PCSK5: variants seen among roughly 807,000 people sequenced by gnomAD.
PCSK5 encodes proprotein convertase subtilisin/kexin type 5.
PCSK5 carries 129 observed loss-of-function variants against 233.2 expected under a neutral mutation model. The ratio of observed to expected loss-of-function variants is 0.55; its 90% CI spans 0.48 to 0.64. The LOEUF is 0.64. Ranked by LOEUF, PCSK5 falls within the 30% of genes least tolerant of loss-of-function variation. The pLI is 0.00. For synonymous variants in PCSK5, 825 were observed against 879.2 expected, an observed-to-expected ratio of 0.94 and a Z score of 1.09; for missense variants, 2,076 against 2,430.1, an observed-to-expected ratio of 0.85 and a Z score of 3.06.
In PCSK5 at chr9:76,122,005, A is replaced by G. The variant is rs1412799251; in HGVS notation, c.1209-12104A>G. Among the ~76,000 whole-genome samples, 2 of 87,370 alleles carry G rather than the reference A, an allele frequency of 2.3e-5. 1 individual carries two copies. The highest frequency in any genetic ancestry group is 7.3e-5 in the African/African-American group (2 of 27,420). The allele number at this position is 87,370 out of a possible 152,430, so 57.3% of individuals were successfully genotyped here. The stretch of plus-strand genomic sequence containing the variant: ...CGCCCGGCTAATTTTTTGTATTTTT[A>G]GTAGAGACGGGGTTTCACCGTTTTA... On this transcript the variant is annotated intron_variant, in intron 9 of 37. Transcript: ENST00000674117.
chr9:75,955,386 C>T (rs1048950403), intron 2 of PCSK5, among the ~76,000 whole-genome samples: 3 of 152,154 alleles, frequency 2.0e-5, no homozygotes. Flanking sequence ...CCCTTTAAAC[C>T]TCCTCTCACC....
intron 3 of PCSK5, among the ~76,000 whole-genome samples, chr9:76,020,462 C>T (rs1041220936): frequency 6.6e-6 from 1 of 152,194 alleles, no homozygotes; most frequent in Non-Finnish European, 1.5e-5. Flanking sequence ...AATGCCCTCT[C>T]ACCTTATTAC....
At chr9:75,986,356 C>A in intron 3 of PCSK5, 111 bp downstream of exon 3, 1 of 668,544 alleles carries the variant, frequency 1.5e-6, no homozygotes, top group South Asian at 1.8e-5. Context: ...GGGATTGTTT[C>A]CTATTTTAAT....
intron 20 of PCSK5, among the ~76,000 whole-genome samples, chr9:76,191,680 C>T (rs1056929720): frequency 6.6e-5 from 10 of 152,118 alleles, no homozygotes; most frequent in African/African-American, 1.4e-4. Flanking sequence ...GAGGTTTTCT[C>T]GCCAGGGCTG....
At chr9:76,242,576 G>A (rs1384955419) in intron 24 of PCSK5, among the ~76,000 whole-genome samples, 1 of 152,162 alleles carries the variant, frequency 6.6e-6, no homozygotes, top group Non-Finnish European at 1.5e-5. Context: ...AAGTACTGAA[G>A]TAAAAAACTA....
intron 20 of PCSK5, among the ~76,000 whole-genome samples, chr9:76,200,849 C>T (rs1046318699): frequency 1.3e-5 from 2 of 152,140 alleles, no homozygotes; most frequent in African/African-American, 4.8e-5. Flanking sequence ...TGGACTGTTT[C>T]CCTTCCTCCA....
rs78854546 is a variant in PCSK5, at chr9:75,920,448, A to G, written c.193-11931A>G. Among the ~76,000 whole-genome samples, 928 of 152,182 alleles carry G rather than the reference A, an allele frequency of 6.1e-3. 12 individuals are homozygous for G. The highest frequency in any genetic ancestry group is 0.021 in the African/African-American group (867 of 41,512). The stretch of plus-strand genomic sequence containing the variant: ...GAATCTATCACATACTTTTAATTTA[A>G]TGCTCACATCTTCTCTACTCCAAAT... On this transcript the variant is annotated intron_variant, in intron 1 of 37. Transcript: ENST00000674117.
At chr9:76,166,738 A>G (rs1485388516) in intron 12 of PCSK5, among the ~76,000 whole-genome samples, 1 of 152,238 alleles carries the variant, frequency 6.6e-6, no homozygotes, top group African/African-American at 2.4e-5. Context: ...GCCTCAACGA[A>G]TTAGAGCTTA....
intron 5 of PCSK5, among the ~76,000 whole-genome samples, chr9:76,028,427 G>A (rs1365199840): frequency 1.3e-5 from 2 of 152,148 alleles, no homozygotes; most frequent in African/African-American, 4.8e-5. Flanking sequence ...AGATAATTTG[G>A]TGGGTAGCGA....
intron 3 of PCSK5, among the ~76,000 whole-genome samples, chr9:76,007,239 A>G (rs1037711422): frequency 6.6e-5 from 10 of 152,122 alleles, no homozygotes; most frequent in Non-Finnish European, 1.2e-4. Context: ...GTATTTCCAT[A>G]TCTTCAGATT....
intron 6 of PCSK5, among the ~76,000 whole-genome samples, chr9:76,069,195 G>A (rs1256353640): frequency 1.3e-5 from 2 of 151,908 alleles, no homozygotes; most frequent in Non-Finnish European, 2.9e-5. Context: ...AAGAAAAGAG[G>A]CAAAGAAAAA....
At chr9:76,085,449 A>G (rs1430285823) in intron 7 of PCSK5, among the ~76,000 whole-genome samples, 1 of 152,256 alleles carries the variant, frequency 6.6e-6, no homozygotes, top group Non-Finnish European at 1.5e-5. Context: ...TTACAGAGCT[A>G]TCGTGAAGGC....
chr9:76,347,866 CTTAAT>C (rs139599808), intron 35 of PCSK5, among the ~76,000 whole-genome samples: 16,711 of 151,878 alleles, frequency 0.11, 974 homozygotes, highest in East Asian at 0.2. Flanking sequence ...GTTTTCTACT[CTTAAT>C]TTATTTTATT....
intron 30 of PCSK5, among the ~76,000 whole-genome samples, chr9:76,311,849 C>T (rs755423338): frequency 2.0e-5 from 3 of 152,164 alleles, no homozygotes; most frequent in Non-Finnish European, 2.9e-5. Flanking sequence ...GCCCACATTA[C>T]GTGTCTCAGC....
chr9:75,967,382 A>G (rs1825635669), intron 2 of PCSK5, among the ~76,000 whole-genome samples: 1 of 152,242 alleles, frequency 6.6e-6, no homozygotes, highest in South Asian at 2.1e-4. Flanking sequence ...TTTGCTTAGG[A>G]CAATGGTCTC....
At chr9:75,938,404 A>G (rs547358184) in intron 2 of PCSK5, among the ~76,000 whole-genome samples, 1 of 152,326 alleles carries the variant, frequency 6.6e-6, no homozygotes, top group Non-Finnish European at 1.5e-5. Context: ...GTGGCACCCT[A>G]AAACAATTAC....
At chr9:75,902,214 TAAA>T (rs200579439) in intron 1 of PCSK5, among the ~76,000 whole-genome samples, 7 of 53,290 alleles carry the variant, frequency 1.3e-4, no homozygotes, top group African/African-American at 4.0e-4. Context: ...AGACACCATC[TAAA>T]AAAAAAAAAA....
intron 7 of PCSK5, among the ~76,000 whole-genome samples, chr9:76,092,907 T>C (rs1222162921): frequency 6.6e-6 from 1 of 152,184 alleles, no homozygotes; most frequent in Non-Finnish European, 1.5e-5. Context: ...ATTAATGTTC[T>C]TGTTTCTTTT....
intron 1 of PCSK5, among the ~76,000 whole-genome samples, chr9:75,904,554 C>T (rs1384790912): frequency 1.3e-5 from 2 of 152,140 alleles, no homozygotes; most frequent in Non-Finnish European, 1.5e-5. Flanking sequence ...CATCATTAGT[C>T]ACCAGGGAAA....
Sources: gnomAD v4.1 joint callset for allele counts (sites outside exome capture counted in the v4.1 genomes callset) on GRCh38, gnomAD v4.1.1 for gene constraint, MANE v1.5 for transcripts, NCBI Gene and HGNC (gene_info 2026-07-23, HGNC 2026-07-21) for gene names.